ZNF436: variants seen among roughly 807,000 people sequenced by gnomAD.
ZNF436 encodes the protein zinc finger protein 436, also known as DNA-binding protein.
Under a neutral mutation model 41.9 loss-of-function variants are expected in ZNF436, and 22 were observed. That is an observed-to-expected ratio of 0.53 (90% CI 0.38 to 0.75). ZNF436 has a LOEUF of 0.75. ZNF436 is among the 30% of genes least tolerant of loss of function. The pLI, the probability that ZNF436 is intolerant of heterozygous loss-of-function variation, is 0.00. For missense variants in ZNF436, 506 were observed against 587.3 expected, an observed-to-expected ratio of 0.86 and a Z score of 1.43; for synonymous variants, 217 against 197.8, an observed-to-expected ratio of 1.10 and a Z score of -0.82.
chr1:23,365,942 T>C (rs1003719531), intron 3 of ZNF436, among the ~76,000 whole-genome samples: 3 of 149,776 alleles, frequency 2.0e-5, no homozygotes, highest in South Asian at 2.1e-4. Flanking sequence ...AAAAGCCTTG[T>C]AATCATTTTT....
Position 23,363,229 on chromosome 1 carries a change from A to G in ZNF436, c.161-8T>C, listed in dbSNP as rs752988414. ...CACTCCTGATCTCAAAATCTGTAAT[A>G]AAAAGTAAACAATAAGACTAGTAAG... is the stretch of plus-strand genomic sequence containing the variant. On this transcript the variant is annotated splice_region_variant and splice_polypyrimidine_tract_variant and intron_variant, in intron 3 of 3. Transcript: ENST00000314011. 2 of 1,604,968 alleles carry G rather than the reference A, an allele frequency of 1.2e-6. No homozygotes were observed. The highest frequency in any genetic ancestry group is 1.7e-6 in the Non-Finnish European group (2 of 1,177,096).
At position 23,359,744 on chromosome 1, in the gene ZNF436, C is replaced by T. The variant is rs1173102109; in HGVS notation, c.*2225G>A. The T allele has an allele frequency of 6.6e-6, 1 of 152,634 alleles. No individual in the cohort carries two copies. Among genetic ancestry groups the T allele is most frequent in the Non-Finnish European group, 1.5e-5 (1 of 68,080 alleles). 9.5% of individuals were successfully genotyped at this position (152,634 alleles called of 1,614,324 possible). Reference sequence around the variant, plus strand: ...CAGAAAGAGGAGACAGCTGGTGTGGCCCTTGTCCCTTAAGTTTCCCAGCTA... The same window carrying T: ...CAGAAAGAGGAGACAGCTGGTGTGGTCCTTGTCCCTTAAGTTTCCCAGCTA... On this transcript the variant is annotated 3_prime_UTR_variant, in exon 4 of 4. Coordinates refer to ENST00000314011, the MANE Select transcript of ZNF436 (RefSeq NM_001077195.2).
chr1:23,369,597 C>G lies in ZNF436; in HGVS notation c.-292G>C, dbSNP rs764656406. On this transcript the variant is annotated 5_prime_UTR_variant, in exon 1 of 4. Coordinates refer to ENST00000314011, the MANE Select transcript of ZNF436 (RefSeq NM_001077195.2). ...AGACTCAGATTCCCGAGGCCTCAGA[C>G]TCGCAGGCAGCTCAGAAACCACAGG... 1.7e-5 allele frequency: 9 copies of G among 531,118 alleles called. No homozygotes were observed. Among genetic ancestry groups the G allele is most frequent in the Non-Finnish European group, 3.5e-5 (9 of 257,190 alleles). 32.9% of individuals were successfully genotyped at this position (531,118 alleles called of 1,614,324 possible).
rs775281838 is a variant in ZNF436, at chr1:23,368,031, G to GGA, written c.-28_-27dup. The GGA allele has an allele frequency of 6.2e-7, 1 of 1,613,818 alleles. No individual in the cohort carries two copies. Among genetic ancestry groups the GGA allele is most frequent in the Non-Finnish European group, 8.5e-7 (1 of 1,179,884 alleles). On this transcript the variant is annotated 5_prime_UTR_variant, in exon 2 of 4. Coordinates refer to ENST00000314011, the MANE Select transcript of ZNF436 (RefSeq NM_001077195.2). ...CTCGAGCACAAGGGTTCGCCTCCAG[G>GGA]GAGAGAGAGCAGGAAAAGCAGCTAG...
rs529788684 is a variant in ZNF436, at chr1:23,369,490, G to T, written c.-185C>A. The T allele has an allele frequency of 9.4e-6, 5 of 531,828 alleles. No individual in the cohort carries two copies. The highest frequency in any genetic ancestry group is 7.0e-5 in the South Asian group (5 of 71,534). The allele number at this position is 531,828 out of a possible 1,614,324, so 32.9% of individuals were successfully genotyped here. A position where few individuals can be genotyped will look rare whatever the true frequency, so the allele number is the denominator to read the frequency against. ...GGAAGATTCTAGAGAGCACGGGCAG[G>T]TCCCGGAGGTCTCAGACCCGCAGGT... On this transcript the variant is annotated 5_prime_UTR_variant, in exon 1 of 4. Coordinates refer to ENST00000314011, the MANE Select transcript of ZNF436 (RefSeq NM_001077195.2).
At chr1:23,368,461 C>T (rs1046238114) in intron 1 of ZNF436, 1 of 165,718 alleles carries the variant, frequency 6.0e-6, no homozygotes, top group Non-Finnish European at 1.3e-5. Flanking sequence ...ATGCCCGCCT[C>T]CCACAGCCTG....
At chr1:23,367,403 A>G (rs1219595535) in intron 2 of ZNF436, among the ~76,000 whole-genome samples, 1 of 152,148 alleles carries the variant, frequency 6.6e-6, no homozygotes, top group African/African-American at 2.4e-5. Flanking sequence ...TCTGGCTGTG[A>G]CTTTCTCAGG....
chr1:23,366,048 T>C (rs1018496000), intron 3 of ZNF436, among the ~76,000 whole-genome samples: 2 of 152,206 alleles, frequency 1.3e-5, no homozygotes, highest in African/African-American at 4.8e-5. Flanking sequence ...AACTGTAGAA[T>C]TGTAAATTCA....
intron 1 of ZNF436, among the ~76,000 whole-genome samples, chr1:23,368,676 T>A (rs1638421722): frequency 6.6e-6 from 1 of 152,260 alleles, no homozygotes; most frequent in South Asian, 2.1e-4. Context: ...AGCTAGAGGC[T>A]GCCCTGCTTC....
At chr1:23,367,937 G>A in intron 2 of ZNF436, 36 bp downstream of exon 2, 1 of 1,612,758 alleles carries the variant, frequency 6.2e-7, no homozygotes, top group Non-Finnish European at 8.5e-7. Flanking sequence ...AGGTGGGTAA[G>A]CAGAGACAAG....
rs144729139 is a variant in ZNF436, at chr1:23,362,035, G to C, written c.1347C>G (p.Thr449=). ...TCCTGCTGAAACTCTTCTCACATTC[G>C]GTACATTCATAAGGTTTCTCTCCCG... ...VHTGEKPYEC[T]ECEKSFSRSS... is the part of the protein sequence containing the mutation. The change falls in exon 4 of 4, where the codon ACC becomes ACG. Residue 449 remains threonine (T), a synonymous_variant. Coordinates refer to ENST00000314011, the MANE Select transcript of ZNF436 (RefSeq NM_001077195.2). The C allele has an allele frequency of 3.1e-6, 5 of 1,613,904 alleles. No individual in the cohort carries two copies. The highest frequency in any genetic ancestry group is 1.7e-5 in the Admixed American group (1 of 59,974).
intron 1 of ZNF436, chr1:23,368,311 G>A (rs995499767): frequency 5.2e-6 from 2 of 384,744 alleles, no homozygotes; most frequent in African/African-American, 2.1e-5. Flanking sequence ...GACCGCTGCT[G>A]TCTCAGGGAG....
intron 3 of ZNF436, among the ~76,000 whole-genome samples, chr1:23,365,058 A>C (rs1570187812): frequency 6.6e-6 from 1 of 152,084 alleles, no homozygotes; most frequent in South Asian, 2.1e-4. Flanking sequence ...GGAGTTTGAG[A>C]CCAGCCTGTG....
At chr1:23,364,976 G>T (rs1638326100) in intron 3 of ZNF436, among the ~76,000 whole-genome samples, 2 of 152,116 alleles carry the variant, frequency 1.3e-5, no homozygotes, top group South Asian at 4.1e-4. Context: ...GCCTTATAAG[G>T]CCAGATGCAG....
rs1215413386 is a variant in ZNF436 at position 23,362,212 on chromosome 1, A to G, written c.1170T>C (p.Tyr390=). 9 of 1,613,936 alleles carry G rather than the reference A, an allele frequency of 5.6e-6. No individual in the cohort carries two copies. Among genetic ancestry groups the G allele is most frequent in the Non-Finnish European group, 7.6e-6 (9 of 1,180,006 alleles). The change falls in exon 4 of 4, where the codon TAT becomes TAC. Residue 390 remains tyrosine, a synonymous_variant. Transcript: ENST00000314011. ...AGCTTCGCCAACACTCATTACACTC[A>G]TAAGGCTTCTCTCCAGTGTGAATTT... ...HQKIHTGEKP[Y]ECNECWRSFG...
At chr1:23,367,242 TC>T in intron 2 of ZNF436, 74 bp from the exon 3 acceptor site, 1 of 1,471,646 alleles carries the variant, frequency 6.8e-7, no homozygotes, top group Admixed American at 2.3e-5. Context: ...TTAGAAATAT[TC>T]AGGAGGAAAA....
chr1:23,368,240 A>G, intron 1 of ZNF436, 175 bp from the exon 2 acceptor site: 1 of 570,614 alleles, frequency 1.8e-6, no homozygotes, highest in East Asian at 3.0e-5. Context: ...AGCGGGGTGG[A>G]GGCAATGCCG....
At chr1:23,368,782 G>T (rs680386) in intron 1 of ZNF436, among the ~76,000 whole-genome samples, 35,293 of 152,148 alleles carry the variant, frequency 0.23, 4,351 homozygotes, top group African/African-American at 0.32. Context: ...GAGCTAGAAT[G>T]AGCCCCTGCT....
At chr1:23,367,776 T>C (rs548871961) in intron 2 of ZNF436, among the ~76,000 whole-genome samples, 197 bp downstream of exon 2, 1 of 152,340 alleles carries the variant, frequency 6.6e-6, no homozygotes, top group African/African-American at 2.4e-5. Flanking sequence ...CTCCCCAGTA[T>C]TTAAAGGCAT....
Sources: allele counts gnomAD v4.1 joint callset (sites outside exome capture counted in the v4.1 genomes callset), GRCh38; gene constraint gnomAD v4.1.1; transcripts MANE v1.5; gene names NCBI Gene and HGNC (gene_info 2026-07-23, HGNC 2026-07-21).